The following FAM204A variants were observed in gnomAD, a reference collection of about 807,000 sequenced individuals.
FAM204A encodes protein FAM204A.
A neutral mutation model predicts 35.4 loss-of-function variants in FAM204A; 16 were observed. That is an observed-to-expected ratio of 0.45 (90% confidence interval 0.31 to 0.69). FAM204A has a LOEUF of 0.69. FAM204A is among the 30% of genes least tolerant of loss of function. The pLI is 0.07. For synonymous variants in FAM204A, 76 were observed against 86.9 expected (o/e 0.88, Z 0.70); for missense variants, 240 against 265.7 (o/e 0.90, Z 0.67).
At chr10:118,320,161 A>C (rs1045553417) in intron 7 of FAM204A, among the ~76,000 whole-genome samples, 1 of 150,332 alleles carries the variant, frequency 6.7e-6, no homozygotes, top group Non-Finnish European at 1.5e-5. Flanking sequence ...GTTCAATCTA[A>C]GTAATCGGTA....
intron 2 of FAM204A, 110 bp from the exon 3 acceptor site, chr10:118,336,533 G>T: frequency 1.0e-6 from 1 of 992,020 alleles, no homozygotes; most frequent in Non-Finnish European, 1.4e-6. Context: ...TTTGGGAACA[G>T]TCCATCTAAA....
At chr10:118,341,114 A>T (rs1039628664) in intron 2 of FAM204A, among the ~76,000 whole-genome samples, 3 of 152,230 alleles carry the variant, frequency 2.0e-5, no homozygotes, top group African/African-American at 7.2e-5. Context: ...CAGAGGTTTG[A>T]GTAATAATGT....
intron 6 of FAM204A, among the ~76,000 whole-genome samples, chr10:118,329,222 A>T (rs1589727133): frequency 6.6e-6 from 1 of 152,268 alleles, no homozygotes; most frequent in Middle Eastern, 3.4e-3. Flanking sequence ...GTGCTTCTTC[A>T]GGGACACGTG....
rs1354444161 is a variant in FAM204A, at chr10:118,307,597, A to C, written c.*3260T>G. The C allele has an allele frequency of 1.3e-5, 2 of 152,210 alleles. No individual in the cohort carries two copies. The highest frequency in any genetic ancestry group is 2.9e-5 in the Non-Finnish European group (2 of 68,030). The allele number at this position is 152,210 out of a possible 1,614,324, so 9.4% of individuals were successfully genotyped here. A position where few individuals can be genotyped will look rare whatever the true frequency, so the allele number is the denominator to read the frequency against. The stretch of plus-strand genomic sequence containing the variant: ...ACAACTCTCATTTTGTTTAAACAAC[A>C]ACCTCATACAATATGTTTTATATTT... On this transcript the variant is annotated 3_prime_UTR_variant, in exon 9 of 9. Transcript: ENST00000369183.
At chr10:118,326,785 C>T (rs979829676) in intron 6 of FAM204A, among the ~76,000 whole-genome samples, 2 of 152,160 alleles carry the variant, frequency 1.3e-5, no homozygotes, top group African/African-American at 4.8e-5. Flanking sequence ...CCTTTTCTTA[C>T]TGCCCATTCC....
chr10:118,329,669 G>A (rs184030548), intron 6 of FAM204A, among the ~76,000 whole-genome samples: 27 of 152,216 alleles, frequency 1.8e-4, no homozygotes, highest in African/African-American at 6.5e-4. Context: ...ACAGTGAGTT[G>A]TGTATTCTCC....
intron 6 of FAM204A, among the ~76,000 whole-genome samples, chr10:118,334,514 C>T (rs1248041374): frequency 6.6e-6 from 1 of 152,148 alleles, no homozygotes; most frequent in Non-Finnish European, 1.5e-5. Flanking sequence ...TTTTTGCTGC[C>T]TCACAATCAG....
chr10:118,313,620 A>G (rs1221890944), intron 7 of FAM204A, among the ~76,000 whole-genome samples: 1 of 152,136 alleles, frequency 6.6e-6, no homozygotes, highest in African/African-American at 2.4e-5. Context: ...CCTCTTCCCC[A>G]TCGCCAAAAC....
In FAM204A at chr10:118,309,400, T is replaced by C. The variant is rs922528007; in HGVS notation, c.*1457A>G. ...ATTTTAAGTCTAAAAATAACAGTAATATAATCATGATTCATTTTACATGTT... is the reference window on the plus strand; with the variant it reads ...ATTTTAAGTCTAAAAATAACAGTAACATAATCATGATTCATTTTACATGTT... On this transcript the variant is annotated 3_prime_UTR_variant, in exon 9 of 9. Transcript: ENST00000369183. The C allele has an allele frequency of 6.6e-6, 1 of 152,172 alleles. No homozygotes were observed. Among genetic ancestry groups the C allele is most frequent in the Non-Finnish European group, 1.5e-5 (1 of 68,034 alleles). 9.4% of individuals were successfully genotyped at this position (152,172 alleles called of 1,614,324 possible).
chr10:118,335,601 C>A lies in FAM204A; in HGVS notation c.275G>T (p.Ser92Ile), dbSNP rs749486248. 13 of 1,610,014 alleles carry A rather than the reference C, an allele frequency of 8.1e-6. No individual in the cohort carries two copies. In the East Asian group the frequency reaches 1.3e-4, roughly 17 times the overall value. The change falls in exon 4 of 9, where the codon AGC becomes ATC. Residue 92 changes from serine (S) to isoleucine (I), a missense_variant. Physicochemically the swap from Ser to Ile is moderately radical, Grantham distance 142. Transcript: ENST00000369183. ...ELHKKHSEQKSTTSRFRGKRR... is the reference protein window; with the variant it reads ...ELHKKHSEQKITTSRFRGKRR... ...TTTCCCTCTGAATCTTGAGGTTGTG[C>A]TTTTCTGTTCAGAATGTTTTTTATG...
rs150492778 is a variant in FAM204A at position 118,320,883 on chromosome 10, T to TTGTG, written c.543+5267_543+5270dup. Among the ~76,000 whole-genome samples, 155 of 148,838 alleles carry TTGTG rather than the reference T, an allele frequency of 1.0e-3. 1 individual carries two copies. The highest frequency in any genetic ancestry group is 4.5e-3 in the South Asian group (21 of 4,670). On this transcript the variant is annotated intron_variant, in intron 7 of 8. Coordinates refer to ENST00000369183, the MANE Select transcript of FAM204A (RefSeq NM_022063.3). ...AACAGTCTTATTTTGGAATACCGTT[T>TTGTG]TGTGTGTGTGTGTGTGTGTGGTTTT...
At position 118,298,516 on chromosome 10, in the gene FAM204A, T is replaced by C. The variant is rs1027301608; in HGVS notation, c.*12341A>G. On this transcript the variant is annotated 3_prime_UTR_variant, in exon 9 of 9. Coordinates refer to ENST00000369183, the MANE Select transcript of FAM204A (RefSeq NM_022063.3). ...TCCATGTACTTTTGCTCAGGTTCTTTGGATACCATGATCTTAGCTATCTGC... is the reference window on the plus strand; with the variant it reads ...TCCATGTACTTTTGCTCAGGTTCTTCGGATACCATGATCTTAGCTATCTGC... 1 of 152,244 alleles carries C rather than the reference T, an allele frequency of 6.6e-6. No homozygotes were observed. Among genetic ancestry groups the C allele is most frequent in the Non-Finnish European group, 1.5e-5 (1 of 68,046 alleles). The allele number at this position is 152,244 out of a possible 1,614,324, so 9.4% of individuals were successfully genotyped here.
intron 6 of FAM204A, 107 bp downstream of exon 6, chr10:118,335,007 T>C (rs1455724827): frequency 6.7e-6 from 5 of 745,542 alleles, no homozygotes; most frequent in Non-Finnish European, 1.1e-5. Flanking sequence ...TGGTATGCAG[T>C]AGGCATCTTT....
rs905694357 is a variant in FAM204A at position 118,304,633 on chromosome 10, C to T, written c.*6224G>A. The T allele has an allele frequency of 2.6e-5, 4 of 152,318 alleles. No homozygotes were observed. The highest frequency in any genetic ancestry group is 7.2e-5 in the African/African-American group (3 of 41,456). 9.4% of individuals were successfully genotyped at this position (152,318 alleles called of 1,614,324 possible). On this transcript the variant is annotated 3_prime_UTR_variant, in exon 9 of 9. Coordinates refer to ENST00000369183, the MANE Select transcript of FAM204A (RefSeq NM_022063.3). ...TACCTAGGATGCACTCGCTTCTACT[C>T]GCCTACCTGGTAAAGTCCCAACAGC...
At chr10:118,322,706 G>A (rs1204959159) in intron 7 of FAM204A, among the ~76,000 whole-genome samples, 2 of 152,102 alleles carry the variant, frequency 1.3e-5, no homozygotes, top group Admixed American at 6.6e-5. Flanking sequence ...GTTGTAAAAT[G>A]TTAGCATTTC....
At position 118,301,428 on chromosome 10, in the gene FAM204A, CAA is replaced by C. The variant is rs1168502192; in HGVS notation, c.*9427_*9428del. 3 of 152,106 alleles carry C rather than the reference CAA, an allele frequency of 2.0e-5. No homozygotes were observed. Among genetic ancestry groups the C allele is most frequent in the Non-Finnish European group, 4.4e-5 (3 of 68,010 alleles). The allele number at this position is 152,106 out of a possible 1,614,324, so 9.4% of individuals were successfully genotyped here. ...CCTACAGTATGACAGTTAAGAGGGC[CAA>C]AAGACACCTGTATACTGCATGACTT... On this transcript the variant is annotated 3_prime_UTR_variant, in exon 9 of 9. Transcript: ENST00000369183.
chr10:118,336,494 T>C, intron 2 of FAM204A, 71 bp from the exon 3 acceptor site: 2 of 1,346,380 alleles, frequency 1.5e-6, no homozygotes, highest in Non-Finnish European at 2.0e-6. Flanking sequence ...TTAGAAGACA[T>C]TCCAGGTGCC....
intron 2 of FAM204A, chr10:118,337,346 G>C (rs1846405104): frequency 1.9e-6 from 1 of 525,840 alleles, no homozygotes; most frequent in African/African-American, 2.1e-5. Context: ...CTATCAATAT[G>C]AAGGAATAAA....
intron 7 of FAM204A, among the ~76,000 whole-genome samples, chr10:118,321,741 A>AAAAAAAAAAC (rs1846120577): frequency 6.7e-6 from 1 of 150,368 alleles, no homozygotes; most frequent in Non-Finnish European, 1.5e-5. Flanking sequence ...AAAAAAAAAA[A>AAAAAAAAAAC]AAAGAATCCT....
Sources: allele counts gnomAD v4.1 joint callset (sites outside exome capture counted in the v4.1 genomes callset), GRCh38; gene constraint gnomAD v4.1.1; transcripts MANE v1.5; gene names NCBI Gene and HGNC (gene_info 2026-07-23, HGNC 2026-07-21).